SRBD1: variants seen among roughly 807,000 people sequenced by gnomAD.
SRBD1 encodes the protein S1 RNA-binding domain-containing protein 1.
In SRBD1, 88 loss-of-function variants were observed where a neutral mutation model predicts 115.3. The ratio of observed to expected loss-of-function variants is 0.76; its 90% CI spans 0.64 to 0.91. The LOEUF (loss-of-function observed/expected upper bound fraction) is 0.91. Among genes scored for constraint, SRBD1 ranks in the 40% least tolerant of loss-of-function variants. The pLI, the probability that SRBD1 is intolerant of heterozygous loss-of-function variation, is 0.00. For synonymous variants in SRBD1, 509 were observed against 407.7 expected (o/e 1.25, Z -2.99); for missense variants, 1,385 against 1,177.4 (o/e 1.18, Z -2.58).
At chr2:45,539,007 C>T (rs774365275) in intron 14 of SRBD1, among the ~76,000 whole-genome samples, 4 of 151,858 alleles carry the variant, frequency 2.6e-5, no homozygotes, top group African/African-American at 4.8e-5. Flanking sequence ...CTAAAAGAAA[C>T]AAGTAATTCT....
At chr2:45,547,714 G>GT in intron 12 of SRBD1, 102 bp from the exon 13 acceptor site, 2 of 904,788 alleles carry the variant, frequency 2.2e-6, no homozygotes, top group Non-Finnish European at 1.7e-6. Context: ...AGACTGGCTT[G>GT]TTTTTTATAA....
chr2:45,516,094 C>T (rs952606711), intron 14 of SRBD1, among the ~76,000 whole-genome samples: 3 of 152,130 alleles, frequency 2.0e-5, no homozygotes, highest in African/African-American at 4.8e-5. Context: ...ATCTAATTAG[C>T]ACATTTCAAA....
chr2:45,494,709 T>C (rs1259104447), intron 14 of SRBD1, among the ~76,000 whole-genome samples: 2 of 152,208 alleles, frequency 1.3e-5, no homozygotes, highest in Admixed American at 1.3e-4. Context: ...CAGCTCACTA[T>C]CTACAATATA....
At chr2:45,548,695 C>T (rs1572761823) in intron 12 of SRBD1, among the ~76,000 whole-genome samples, 1 of 146,092 alleles carries the variant, frequency 6.8e-6, no homozygotes, top group South Asian at 2.2e-4. Context: ...AGGACAAAAG[C>T]CACATGATAT....
intron 16 of SRBD1, among the ~76,000 whole-genome samples, chr2:45,448,965 G>A (rs1035113448): frequency 6.6e-6 from 1 of 151,996 alleles, no homozygotes; most frequent in Non-Finnish European, 1.5e-5. Context: ...GGTTTTCCTA[G>A]GCATATTTTT....
intron 10 of SRBD1, among the ~76,000 whole-genome samples, chr2:45,554,878 C>G (rs1013517573): frequency 2.6e-5 from 4 of 152,266 alleles, no homozygotes; most frequent in South Asian, 2.1e-4. Context: ...AGGTAACAAC[C>G]TGAACATTAT....
At chr2:45,435,612 CAG>C (rs1409533230) in intron 16 of SRBD1, among the ~76,000 whole-genome samples, 2 of 150,508 alleles carry the variant, frequency 1.3e-5, no homozygotes, top group African/African-American at 4.9e-5. Context: ...GGCAGCTACC[CAG>C]AGATTCCTGA....
chr2:45,603,733 T>C (rs1363053557), intron 2 of SRBD1, among the ~76,000 whole-genome samples: 2 of 152,144 alleles, frequency 1.3e-5, no homozygotes, highest in Non-Finnish European at 2.9e-5. Flanking sequence ...TTCACTATGA[T>C]GGCCAGGCTA....
At chr2:45,445,314 T>TC (rs1668787674) in intron 16 of SRBD1, among the ~76,000 whole-genome samples, 1 of 152,014 alleles carries the variant, frequency 6.6e-6, no homozygotes, top group Non-Finnish European at 1.5e-5. Flanking sequence ...ACCCATATCC[T>TC]CCACTGCAAG....
intron 16 of SRBD1, among the ~76,000 whole-genome samples, chr2:45,474,179 C>T (rs1190059711): frequency 6.6e-6 from 1 of 152,160 alleles, no homozygotes; most frequent in Non-Finnish European, 1.5e-5. Flanking sequence ...ATGAATCTTA[C>T]TTTTACTTAT....
At chr2:45,589,223 C>T (rs542621091) in intron 4 of SRBD1, among the ~76,000 whole-genome samples, 63 of 152,276 alleles carry the variant, frequency 4.1e-4, no homozygotes, top group African/African-American at 1.5e-3. Flanking sequence ...TAGCTACCTA[C>T]AGGTAAGGGT....
chr2:45,496,492 A>G (rs1309495858), intron 14 of SRBD1, among the ~76,000 whole-genome samples: 1 of 152,154 alleles, frequency 6.6e-6, no homozygotes, highest in East Asian at 1.9e-4. Flanking sequence ...ATAATAATTA[A>G]AAAGAGAAAG....
chr2:45,475,418 A>AC (rs965155289), intron 16 of SRBD1, among the ~76,000 whole-genome samples: 9 of 151,918 alleles, frequency 5.9e-5, no homozygotes, highest in East Asian at 5.8e-4. Context: ...AGATTGTGCC[A>AC]CCCCCCCTTG....
chr2:45,531,982 A>G (rs947330692), intron 14 of SRBD1, among the ~76,000 whole-genome samples: 6 of 151,804 alleles, frequency 4.0e-5, no homozygotes, highest in African/African-American at 9.7e-5. Context: ...ACCCTCTTCA[A>G]TCTTCTGATA....
At position 45,423,847 on chromosome 2, in the gene SRBD1, G is replaced by A. The variant is rs188029884; in HGVS notation, c.2050-3953C>T. Among the ~76,000 whole-genome samples, 26 of 152,102 alleles carry A rather than the reference G, an allele frequency of 1.7e-4. 1 individual carries two copies. The highest frequency in any genetic ancestry group is 5.8e-4 in the African/African-American group (24 of 41,518). On this transcript the variant is annotated intron_variant, in intron 16 of 20. Transcript: ENST00000263736. ...GCCTATTAAAAGGATTGACATACAC[G>A]ACATACATATAATGTATTCAGTATG...
At chr2:45,420,969 C>T (rs750619663) in intron 16 of SRBD1, among the ~76,000 whole-genome samples, 12 of 152,176 alleles carry the variant, frequency 7.9e-5, no homozygotes, top group Non-Finnish European at 1.8e-4. Context: ...CTATCTGAAT[C>T]TTAACAGAGG....
chr2:45,577,298 T>A (rs1180679007), intron 7 of SRBD1, among the ~76,000 whole-genome samples: 1 of 152,230 alleles, frequency 6.6e-6, no homozygotes, highest in Non-Finnish European at 1.5e-5. Flanking sequence ...GAATAGATCT[T>A]GTGGGTTTAA....
intron 14 of SRBD1, among the ~76,000 whole-genome samples, chr2:45,492,261 T>C (rs1227228119): frequency 6.6e-6 from 1 of 152,228 alleles, no homozygotes; most frequent in Non-Finnish European, 1.5e-5. Context: ...TTACAAGTCT[T>C]TTCTACCATG....
chr2:45,550,961 GAA>G (rs781451867), intron 12 of SRBD1, among the ~76,000 whole-genome samples, 162 bp downstream of exon 12: 1 of 152,106 alleles, frequency 6.6e-6, no homozygotes, highest in Non-Finnish European at 1.5e-5. Context: ...ACAAATGAGA[GAA>G]AAATGAAGTT....
Sources: allele counts gnomAD v4.1 joint callset (sites outside exome capture counted in the v4.1 genomes callset), GRCh38; gene constraint gnomAD v4.1.1; transcripts MANE v1.5; gene names NCBI Gene and HGNC (gene_info 2026-07-23, HGNC 2026-07-21).